The following NDOR1 variants were observed in gnomAD, a reference collection of about 807,000 sequenced individuals.
NDOR1 encodes the protein NADPH-dependent diflavin oxidoreductase 1.
Under a neutral mutation model 67.2 loss-of-function variants are expected in NDOR1, and 61 were observed. The ratio of observed to expected loss-of-function variants is 0.91; its 90% CI spans 0.74 to 1.12. The LOEUF (loss-of-function observed/expected upper bound fraction) is 1.12. NDOR1 is among the 50% of genes most tolerant of loss of function. The pLI is 0.00. For synonymous variants in NDOR1, 378 were observed against 343.7 expected (o/e 1.10, Z -1.10); for missense variants, 878 against 802.8 (o/e 1.09, Z -1.13).
Position 137,212,464 on chromosome 9 carries a change from G to C in NDOR1, c.214-38G>C. On this transcript the variant is annotated intron_variant, in intron 2 of 13. Transcript: ENST00000684003. The surrounding 1 kb of genome is among the most constrained non-coding windows in gnomAD (Gnocchi z 4.3). ...CCCCCTGCTGTGGGGCTAGCCTAGA[G>C]GTCGAGGACTCTGACTCAGAGTTTC... is the stretch of plus-strand genomic sequence containing the variant. 5 of 1,582,532 alleles carry C rather than the reference G, an allele frequency of 3.2e-6. No individual in the cohort carries two copies. The highest frequency in any genetic ancestry group is 4.3e-6 in the Non-Finnish European group (5 of 1,151,344).
intron 7 of NDOR1, 34 bp downstream of exon 7, chr9:137,214,725 C>T (rs1835449796): frequency 6.3e-7 from 1 of 1,598,902 alleles, no homozygotes; most frequent in Non-Finnish European, 8.5e-7. Flanking sequence ...GACTCTCTGC[C>T]CTCTCCCGTG....
rs774470559 is a variant in NDOR1, at chr9:137,205,808, G to A, written c.31G>A (p.Gly11Ser). 2 of 1,605,290 alleles carry A rather than the reference G, an allele frequency of 1.2e-6. No individual in the cohort carries two copies. Among genetic ancestry groups the A allele is most frequent in the South Asian group, 1.1e-5 (1 of 91,074 alleles). The change falls in exon 1 of 14, where the codon GGC becomes AGC. Residue 11 changes from glycine to serine, a missense_variant. Physicochemically the swap from Gly to Ser is moderately conservative, Grantham distance 56. Transcript: ENST00000684003. ...GAGCCCGCAGCTTCTGGTGCTCTTC[G>A]GCAGCCAGACAGGCACGGCTCAGGA... is the stretch of plus-strand genomic sequence containing the variant. MPSPQLLVLF[G>S]SQTGTAQDVS...
rs1016266537 is a variant in NDOR1, at chr9:137,212,430, C to T, written c.214-72C>T. 90 of 1,376,800 alleles carry T rather than the reference C, an allele frequency of 6.5e-5. No homozygotes were observed. In the African/African-American group the frequency reaches 1.2e-3, roughly 19 times the overall value. The allele number at this position is 1,376,800 out of a possible 1,614,324, so 85.3% of individuals were successfully genotyped here. A position where few individuals can be genotyped will look rare whatever the true frequency, so the allele number is the denominator to read the frequency against. ...CCCACCTGCCTGTTCCCCTGAGACC[C>T]TCCCCTCACCCCCTGCTGTGGGGCT... On this transcript the variant is annotated intron_variant, in intron 2 of 13. Coordinates refer to ENST00000684003, the MANE Select transcript of NDOR1 (RefSeq NM_014434.4). The surrounding 1 kb of genome is among the most constrained non-coding windows in gnomAD (Gnocchi z 4.3).
At chr9:137,209,848 T>C (rs942690923) in intron 2 of NDOR1, among the ~76,000 whole-genome samples, 4 of 151,882 alleles carry the variant, frequency 2.6e-5, no homozygotes, top group African/African-American at 9.7e-5. Context: ...TCCCAACACT[T>C]TGGGAGGCCG....
chr9:137,209,396 G>C (rs563257852), intron 2 of NDOR1, among the ~76,000 whole-genome samples: 2 of 152,298 alleles, frequency 1.3e-5, no homozygotes, highest in East Asian at 3.9e-4. Context: ...CATGGGAGAG[G>C]AGAGGGACTG....
chr9:137,213,411 T>C (rs1380026279), intron 3 of NDOR1, among the ~76,000 whole-genome samples: 3 of 152,114 alleles, frequency 2.0e-5, no homozygotes, highest in Non-Finnish European at 4.4e-5. Flanking sequence ...GCACAGAGTT[T>C]CTCAGCTGAG....
In NDOR1 at chr9:137,217,945, C is replaced by T. The variant is rs1043957576; in HGVS notation, c.*1529C>T. 5.3e-5 allele frequency: 21 copies of T among 398,566 alleles called. No homozygotes were observed. Among genetic ancestry groups the T allele is most frequent in the East Asian group, 2.5e-4 (7 of 28,078 alleles). The allele number at this position is 398,566 out of a possible 1,614,324, so 24.7% of individuals were successfully genotyped here. ...CAAGCAAAGGGGATGACCTTGGGCA[C>T]CCCCAAGGTGCTGAGACTACAGCCA... On this transcript the variant is annotated 3_prime_UTR_variant, in exon 14 of 14. Transcript: ENST00000684003.
chr9:137,215,372 T>C (rs1367045220), intron 9 of NDOR1, 35 bp from the exon 10 acceptor site: 2 of 1,597,022 alleles, frequency 1.3e-6, no homozygotes, highest in African/African-American at 2.7e-5. Flanking sequence ...GAGGGCAGCC[T>C]TGTTCCACCA....
In NDOR1 at chr9:137,216,103, G is replaced by A. The variant is rs62587579; in HGVS notation, c.1564G>A (p.Val522Ile). 0.047 allele frequency: 75,519 copies of A among 1,613,558 alleles called. 2,053 individuals carry two copies. Among genetic ancestry groups the A allele is most frequent in the Middle Eastern group, 0.065 (397 of 6,062 alleles). ...PAFSREQEQK[V>I]YVQHRLRELG... ...GTTCTCTGCCCTACAGGAGCAGAAA[G>A]TATATGTGCAGCACCGGCTCCGGGA... The change falls in exon 13 of 14, where the codon GTA becomes ATA. Residue 522 changes from valine (V) to isoleucine (I), a missense_variant. Transcript: ENST00000684003.
At position 137,205,735 on chromosome 9, in the gene NDOR1, C is replaced by G. The variant is rs754539329; in HGVS notation, c.-43C>G. On this transcript the variant is annotated 5_prime_UTR_variant, in exon 1 of 14. Coordinates refer to ENST00000684003, the MANE Select transcript of NDOR1 (RefSeq NM_014434.4). ...CTGCAACCCGGCCGGCGGGAACTGCCTTCTAGTTTTTAGTCTCAGACCAGA... is the reference window on the plus strand; with the variant it reads ...CTGCAACCCGGCCGGCGGGAACTGCGTTCTAGTTTTTAGTCTCAGACCAGA... The G allele has an allele frequency of 1.1e-5, 17 of 1,599,014 alleles. No homozygotes were observed. The African/African-American group carries it at 1.9e-4, about 18-fold the overall frequency.
chr9:137,211,011 C>T (rs1214142207), intron 2 of NDOR1, among the ~76,000 whole-genome samples: 6 of 152,216 alleles, frequency 3.9e-5, no homozygotes, highest in Non-Finnish European at 7.3e-5. Flanking sequence ...CATGGTGGCA[C>T]GCACCTGTAA....
intron 3 of NDOR1, among the ~76,000 whole-genome samples, chr9:137,213,392 C>T (rs543381740): frequency 6.6e-6 from 1 of 152,326 alleles, no homozygotes; most frequent in Admixed American, 6.5e-5. Flanking sequence ...ATGCCTGGCT[C>T]TCTCCCCAGC....
chr9:137,216,420 C>G lies in NDOR1; in HGVS notation c.*4C>G, dbSNP rs371671455. On this transcript the variant is annotated 3_prime_UTR_variant, in exon 14 of 14. Transcript: ENST00000684003. ...CCAGACAGAGACGTGGGCCTGAGGC[C>G]CGCGGCTGCCCGTGCCCCCTCTGAC... The G allele has an allele frequency of 6.3e-7, 1 of 1,596,840 alleles. No homozygotes were observed. Among genetic ancestry groups the G allele is most frequent in the South Asian group, 1.1e-5 (1 of 90,918 alleles).
chr9:137,216,830 G>T lies in NDOR1; in HGVS notation c.*414G>T. The T allele has an allele frequency of 4.3e-6, 1 of 230,192 alleles. No homozygotes were observed. Among genetic ancestry groups the T allele is most frequent in the South Asian group, 5.5e-5 (1 of 18,072 alleles). 14.3% of individuals were successfully genotyped at this position (230,192 alleles called of 1,614,324 possible). ...CCCTGGGGCCACCTCGGCTGCTGCA[G>T]CCTGCCCAGCAGCACATTCCAGTCA... On this transcript the variant is annotated 3_prime_UTR_variant, in exon 14 of 14. Coordinates refer to ENST00000684003, the MANE Select transcript of NDOR1 (RefSeq NM_014434.4).
Position 137,216,588 on chromosome 9 carries a change from C to T in NDOR1, c.*172C>T. ...CACTCCTGTTGACCCTGGATCCCAC[C>T]CTTTGAGCCTGACCCCACTGCAGCC... On this transcript the variant is annotated 3_prime_UTR_variant, in exon 14 of 14. Transcript: ENST00000684003. 1 of 859,086 alleles carries T rather than the reference C, an allele frequency of 1.2e-6. No individual in the cohort carries two copies. The highest frequency in any genetic ancestry group is 1.8e-5 in the South Asian group (1 of 55,784). The allele number at this position is 859,086 out of a possible 1,614,324, so 53.2% of individuals were successfully genotyped here.
chr9:137,214,054 C>G lies in NDOR1; in HGVS notation c.498C>G (p.Ile166Met). 6.5e-7 allele frequency: 1 copy of G among 1,542,258 alleles called. No individual in the cohort carries two copies. The highest frequency in any genetic ancestry group is 8.7e-7 in the Non-Finnish European group (1 of 1,147,354). ...LYPPPPGLTE[I>M]PPGVPLPSKF... is the part of the protein sequence containing the mutation. ...CGCCGCCTCCGGGCCTCACTGAGAT[C>G]CCTCCCGGAGTCCCGTGAGTGTGGG... The change falls in exon 5 of 14, where the codon ATC (isoleucine) becomes ATG (methionine). Residue 166 changes from isoleucine (I) to methionine (M), a missense_variant. By Grantham distance (10) the Ile-to-Met change is conservative. Transcript: ENST00000684003.
In NDOR1 at chr9:137,216,166, G is replaced by C; in HGVS notation, c.1627G>C (p.Gly543Arg). The C allele has an allele frequency of 1.9e-6, 3 of 1,613,556 alleles. No homozygotes were observed. The highest frequency in any genetic ancestry group is 2.5e-6 in the Non-Finnish European group (3 of 1,180,016). The part of the protein sequence containing the change: ...SLVWELLDRQ[G>R]AYFYLAGNAK... ...TGTGTGGGAACTGCTGGACCGCCAG[G>C]GTGCATACTTCTACCTGGCAGGGTG... The change falls in exon 13 of 14, where the codon GGT becomes CGT. Residue 543 changes from glycine to arginine, a missense_variant. Transcript: ENST00000684003.
rs758217713 is a variant in NDOR1, at chr9:137,216,029, CAG to C, written c.1554+13_1554+14del. On this transcript the variant is annotated intron_variant, in intron 12 of 13. Transcript: ENST00000684003. ...TCTCCCGGGAACAGGTGTGTATGCTCAGGGGCTGGGAAAGGAGGGGAGGGAGC... is the reference window on the plus strand; with the variant it reads ...TCTCCCGGGAACAGGTGTGTATGCTCGGGCTGGGAAAGGAGGGGAGGGAGC... 7.1e-5 allele frequency: 114 copies of C among 1,613,572 alleles called. No homozygotes were observed. The highest frequency in any genetic ancestry group is 1.6e-4 in the Middle Eastern group (1 of 6,062).
At chr9:137,214,756 G>A (rs1835451892) in intron 7 of NDOR1, 42 bp from the exon 8 acceptor site, 2 of 1,596,216 alleles carry the variant, frequency 1.3e-6, no homozygotes, top group East Asian at 2.2e-5. Context: ...CCACCCCAAG[G>A]GCTCCGCCGC....
Sources: allele counts gnomAD v4.1 joint callset (sites outside exome capture counted in the v4.1 genomes callset), GRCh38; gene constraint gnomAD v4.1.1; non-coding constraint Gnocchi (gnomAD v3.1); transcripts MANE v1.5; gene names NCBI Gene and HGNC (gene_info 2026-07-23, HGNC 2026-07-21).